The following AFG1L variants were observed in gnomAD, a reference collection of about 807,000 sequenced individuals.
AFG1L encodes the protein AFG1-like ATPase.
A neutral mutation model predicts 62.2 loss-of-function variants in AFG1L; 53 were observed. The observed-to-expected ratio is 0.85, with a 90% CI of 0.68 to 1.07. AFG1L has a LOEUF of 1.07. Ranked by LOEUF, AFG1L falls within the 50% of genes least tolerant of loss-of-function variation. The probability of loss-of-function intolerance (pLI) is 0.00; values close to 1 mark genes in which losing one functional copy is unlikely to be tolerated. For synonymous variants in AFG1L, 228 were observed against 210.3 expected, an observed-to-expected ratio of 1.08 and a Z score of -0.73; for missense variants, 555 against 590.5, an observed-to-expected ratio of 0.94 and a Z score of 0.62.
At chr6:108,472,319 A>G (rs1772927391) in intron 8 of AFG1L, among the ~76,000 whole-genome samples, 1 of 152,174 alleles carries the variant, frequency 6.6e-6, no homozygotes, top group African/African-American at 2.4e-5. Flanking sequence ...CATGAGGACT[A>G]TAGTTGAAAA....
intron 7 of AFG1L, among the ~76,000 whole-genome samples, chr6:108,414,109 A>T (rs1782243820): frequency 6.6e-6 from 1 of 152,238 alleles, no homozygotes; most frequent in African/African-American, 2.4e-5. Flanking sequence ...GATCCCACAG[A>T]AATACAAACT....
chr6:108,477,155 T>C, intron 9 of AFG1L, 37 bp from the exon 10 acceptor site: 1 of 1,337,816 alleles, frequency 7.5e-7, no homozygotes, highest in South Asian at 1.3e-5. Context: ...ATAGTAATTA[T>C]CCAGACAAGA....
chr6:108,358,487 A>C (rs183399965), intron 5 of AFG1L, among the ~76,000 whole-genome samples: 12 of 152,268 alleles, frequency 7.9e-5, no homozygotes, highest in Admixed American at 6.5e-4. Context: ...TAATTTTAAA[A>C]ATGTAGATTT....
chr6:108,354,877 C>G (rs1232009702), intron 3 of AFG1L, among the ~76,000 whole-genome samples: 1 of 151,960 alleles, frequency 6.6e-6, no homozygotes, highest in Non-Finnish European at 1.5e-5. Context: ...ACTACTAATG[C>G]GATTGTAGTC....
At chr6:108,520,981 C>T (rs920639640) in intron 12 of AFG1L, 1 of 152,246 alleles carries the variant, frequency 6.6e-6, no homozygotes, top group Admixed American at 6.5e-5. Flanking sequence ...ACCTAATCAT[C>T]TCCCAAAAGC....
At chr6:108,302,966 C>T (rs942992657) in intron 1 of AFG1L, among the ~76,000 whole-genome samples, 7 of 151,988 alleles carry the variant, frequency 4.6e-5, no homozygotes, top group Non-Finnish European at 1.0e-4. Flanking sequence ...CTCTGGAAAT[C>T]GGAGTTTCGC....
At chr6:108,401,235 C>T (rs555988080) in intron 6 of AFG1L, among the ~76,000 whole-genome samples, 2 of 151,264 alleles carry the variant, frequency 1.3e-5, no homozygotes, top group East Asian at 3.9e-4. Flanking sequence ...CTCCGCTTCC[C>T]GGGTTCACGC....
At chr6:108,310,953 A>C (rs529079018) in intron 1 of AFG1L, among the ~76,000 whole-genome samples, 1 of 152,084 alleles carries the variant, frequency 6.6e-6, no homozygotes, top group African/African-American at 2.4e-5. Context: ...GTATTTTCCA[A>C]CTGGTTATCT....
intron 1 of AFG1L, among the ~76,000 whole-genome samples, chr6:108,307,478 A>T (rs1777246123): frequency 6.7e-6 from 1 of 148,880 alleles, no homozygotes; most frequent in Non-Finnish European, 1.5e-5. Context: ...TGGTGTGATC[A>T]CAGCTCACTG....
intron 6 of AFG1L, among the ~76,000 whole-genome samples, chr6:108,401,636 T>A (rs1393041043): frequency 1.3e-5 from 2 of 152,156 alleles, no homozygotes; most frequent in African/African-American, 2.4e-5. Context: ...ATTTTTTTTA[T>A]AGTAGAATTC....
chr6:108,388,822 G>A (rs1780900452), intron 6 of AFG1L, among the ~76,000 whole-genome samples: 1 of 151,980 alleles, frequency 6.6e-6, no homozygotes, highest in African/African-American at 2.4e-5. Flanking sequence ...TGGAATAGGT[G>A]TGGTGTGGTG....
At chr6:108,430,452 C>A (rs1771020147) in intron 7 of AFG1L, among the ~76,000 whole-genome samples, 1 of 152,154 alleles carries the variant, frequency 6.6e-6, no homozygotes, top group Non-Finnish European at 1.5e-5. Context: ...AACTTTTATT[C>A]TGTGCCTTGT....
chr6:108,378,823 T>C (rs975691460), intron 6 of AFG1L, among the ~76,000 whole-genome samples: 6 of 151,824 alleles, frequency 4.0e-5, no homozygotes, highest in Non-Finnish European at 8.8e-5. Flanking sequence ...TTTTTTTCTT[T>C]TTCTTTTTTT....
chr6:108,378,872 A>G (rs1196036423), intron 6 of AFG1L, among the ~76,000 whole-genome samples: 1 of 149,720 alleles, frequency 6.7e-6, no homozygotes, highest in Non-Finnish European at 1.5e-5. Flanking sequence ...ATTATTATTA[A>G]TTCTTCTTTC....
chr6:108,379,950 G>A (rs1215582402), intron 6 of AFG1L, among the ~76,000 whole-genome samples: 1 of 151,926 alleles, frequency 6.6e-6, no homozygotes, highest in South Asian at 2.1e-4. Context: ...CAGGAAGAGT[G>A]GGGCAGGTCA....
intron 10 of AFG1L, 61 bp from the exon 11 acceptor site, chr6:108,510,151 A>C: frequency 7.5e-7 from 1 of 1,337,996 alleles, no homozygotes; most frequent in Non-Finnish European, 1.0e-6. Flanking sequence ...ACACTAAACC[A>C]CTCCAAAGGC....
intron 7 of AFG1L, among the ~76,000 whole-genome samples, chr6:108,429,011 C>T (rs10155721): frequency 0.35 from 53,497 of 151,864 alleles, 9,855 homozygotes; most frequent in Non-Finnish European, 0.42. Context: ...TGCCAATGTC[C>T]AGAAGAGTTT....
intron 8 of AFG1L, among the ~76,000 whole-genome samples, chr6:108,447,801 G>A (rs1409368147): frequency 3.3e-5 from 5 of 152,020 alleles, no homozygotes; most frequent in Non-Finnish European, 7.4e-5. Flanking sequence ...GAGTAGGAGC[G>A]ATTTATAATA....
chr6:108,447,105 G>A, intron 7 of AFG1L, 109 bp from the exon 8 acceptor site: 1 of 478,264 alleles, frequency 2.1e-6, no homozygotes. Flanking sequence ...CATTATATTA[G>A]TTTTTGAGCA....
Sources: gnomAD v4.1 joint callset for allele counts (sites outside exome capture counted in the v4.1 genomes callset) on GRCh38, gnomAD v4.1.1 for gene constraint, MANE v1.5 for transcripts, NCBI Gene and HGNC (gene_info 2026-07-23, HGNC 2026-07-21) for gene names.